Variants in FAM83B observed in about 807,000 individuals in gnomAD.
FAM83B encodes protein FAM83B.
FAM83B carries 26 observed loss-of-function variants against 38.8 expected under a neutral mutation model. The observed-to-expected ratio is 0.67, with a 90% confidence interval of 0.49 to 0.93. FAM83B has a LOEUF of 0.93. Among genes scored for constraint, FAM83B ranks in the 40% least tolerant of loss-of-function variants. The pLI, the probability that FAM83B is intolerant of heterozygous loss-of-function variation, is 0.00. For missense variants in FAM83B, 1,237 were observed against 1,197.3 expected (o/e 1.03, Z -0.49); for synonymous variants, 419 against 423.1 (o/e 0.99, Z 0.12).
At chr6:54,936,590 C>T (rs1285536977) in intron 4 of FAM83B, among the ~76,000 whole-genome samples, 1 of 151,762 alleles carries the variant, frequency 6.6e-6, no homozygotes, top group East Asian at 1.9e-4. Flanking sequence ...CCCACTAGTT[C>T]ATCAGTCTTT....
rs763351555 is a variant in FAM83B at position 54,940,431 on chromosome 6, C to T, written c.1460C>T (p.Thr487Ile). ...CAACGAATGCCAACCCTTGAACATA[C>T]CACAAAGTCATTCCTACGTAACTGG... ...LQQRMPTLEH[T>I]TKSFLRNWRI... Residue 487 changes from threonine to isoleucine, a missense_variant, in exon 5 of 5, where the codon ACC (threonine) becomes ATC (isoleucine). Coordinates refer to ENST00000306858, the MANE Select transcript of FAM83B (RefSeq NM_001010872.3). 2 of 1,614,038 alleles carry T rather than the reference C, an allele frequency of 1.2e-6. No individual in the cohort carries two copies. Among genetic ancestry groups the T allele is most frequent in the East Asian group, 2.2e-5 (1 of 44,868 alleles).
Position 54,941,941 on chromosome 6 carries a change from A to AC in FAM83B, c.2973dup (p.Asn992GlnfsTer2). On this transcript the variant is annotated frameshift_variant, in exon 5 of 5. Coordinates refer to ENST00000306858, the MANE Select transcript of FAM83B (RefSeq NM_001010872.3). LOFTEE classifies it high-confidence loss of function. ...ACACTGGTGTTTATCGCTCATATCA[A>AC]CCCAATGAGAACAAGTTTCGAGGAT... 6.2e-7 allele frequency: 1 copy of AC among 1,613,088 alleles called. No individual in the cohort carries two copies.
At chr6:54,934,220 T>C (rs570097996) in intron 4 of FAM83B, among the ~76,000 whole-genome samples, 3 of 152,190 alleles carry the variant, frequency 2.0e-5, no homozygotes, top group Non-Finnish European at 4.4e-5. Context: ...AGGTGCCATT[T>C]TCCAGCTTGT....
intron 2 of FAM83B, among the ~76,000 whole-genome samples, chr6:54,894,248 G>A (rs1383542092): frequency 2.0e-5 from 3 of 152,114 alleles, no homozygotes; most frequent in Non-Finnish European, 4.4e-5. Flanking sequence ...TCTTGCAAGT[G>A]CTCTGTATCT....
chr6:54,877,035 T>G (rs1772013362), intron 2 of FAM83B, among the ~76,000 whole-genome samples: 1 of 152,212 alleles, frequency 6.6e-6, no homozygotes, highest in Admixed American at 6.5e-5. Flanking sequence ...CATAAAATAC[T>G]GAGAATTCCT....
At chr6:54,876,235 T>C (rs968483774) in intron 2 of FAM83B, among the ~76,000 whole-genome samples, 1 of 147,258 alleles carries the variant, frequency 6.8e-6, no homozygotes, top group African/African-American at 2.5e-5. Flanking sequence ...CCTCTATTAA[T>C]AGTTGGAAAG....
At chr6:54,867,888 G>A (rs1771756833) in intron 1 of FAM83B, among the ~76,000 whole-genome samples, 1 of 152,026 alleles carries the variant, frequency 6.6e-6, no homozygotes. Context: ...AGGTTTGCAG[G>A]AAACTTGGAT....
chr6:54,925,515 G>C (rs2127588233), intron 2 of FAM83B, among the ~76,000 whole-genome samples: 1 of 152,136 alleles, frequency 6.6e-6, no homozygotes, highest in Non-Finnish European at 1.5e-5. Context: ...ACATCTTAGG[G>C]ACCTGTTCTT....
intron 2 of FAM83B, among the ~76,000 whole-genome samples, chr6:54,888,230 A>C (rs868408260): frequency 1.3e-5 from 2 of 151,668 alleles, no homozygotes; most frequent in South Asian, 4.1e-4. Flanking sequence ...CATCTTGGTC[A>C]TTGTCATGAA....
chr6:54,895,121 A>G (rs1772500213), intron 2 of FAM83B, among the ~76,000 whole-genome samples: 1 of 152,226 alleles, frequency 6.6e-6, no homozygotes, highest in South Asian at 2.1e-4. Flanking sequence ...ATGCATTACC[A>G]GTGGTGTTAA....
At chr6:54,908,797 T>C (rs1772833364) in intron 2 of FAM83B, among the ~76,000 whole-genome samples, 1 of 152,176 alleles carries the variant, frequency 6.6e-6, no homozygotes, top group Non-Finnish European at 1.5e-5. Flanking sequence ...TAATGGAGCA[T>C]TAGCCATATA....
chr6:54,858,725 CA>C (rs1464271691), intron 1 of FAM83B, among the ~76,000 whole-genome samples: 3 of 151,890 alleles, frequency 2.0e-5, no homozygotes, highest in Non-Finnish European at 4.4e-5. Flanking sequence ...ATGAAAATGC[CA>C]AGAATCTGTT....
At chr6:54,938,532 A>C (rs1452910269) in intron 4 of FAM83B, among the ~76,000 whole-genome samples, 1 of 152,012 alleles carries the variant, frequency 6.6e-6, no homozygotes, top group African/African-American at 2.4e-5. Flanking sequence ...AATGTCTATT[A>C]GTTTTTGATT....
chr6:54,876,788 C>T (rs1205569112), intron 2 of FAM83B, among the ~76,000 whole-genome samples: 2 of 151,842 alleles, frequency 1.3e-5, no homozygotes, highest in Non-Finnish European at 2.9e-5. Context: ...TGTGTATAGT[C>T]CTCTGAGCTT....
At chr6:54,914,383 CTG>C (rs1772986966) in intron 2 of FAM83B, among the ~76,000 whole-genome samples, 1 of 152,136 alleles carries the variant, frequency 6.6e-6, no homozygotes, top group Non-Finnish European at 1.5e-5. Context: ...CACTTACATT[CTG>C]TCTCACCCTA....
At chr6:54,918,847 C>T (rs1452879453) in intron 2 of FAM83B, among the ~76,000 whole-genome samples, 2 of 152,158 alleles carry the variant, frequency 1.3e-5, no homozygotes, top group African/African-American at 2.4e-5. Flanking sequence ...TCCTCTCTGT[C>T]TTCCAGCATC....
intron 2 of FAM83B, among the ~76,000 whole-genome samples, chr6:54,881,048 A>T (rs758614194): frequency 1.3e-5 from 2 of 152,164 alleles, no homozygotes; most frequent in African/African-American, 2.4e-5. Flanking sequence ...GATTTTTCTT[A>T]CAATAAAATA....
intron 1 of FAM83B, among the ~76,000 whole-genome samples, 195 bp downstream of exon 1, chr6:54,847,021 G>T (rs1219108918): frequency 6.6e-6 from 1 of 152,216 alleles, no homozygotes; most frequent in Non-Finnish European, 1.5e-5. Context: ...GTAAAGCTCA[G>T]TTGCTTCAGT....
chr6:54,944,860 A>G lies in FAM83B; in HGVS notation c.*2853A>G, dbSNP rs1459147640. On this transcript the variant is annotated 3_prime_UTR_variant, in exon 5 of 5. Transcript: ENST00000306858. ...TCCTGGGTTCTAGAATATTTAAAAC[A>G]AAAGGATAAAATGATAAACCAAAGA... 1 of 152,190 alleles carries G rather than the reference A, an allele frequency of 6.6e-6. No individual in the cohort carries two copies. Among genetic ancestry groups the G allele is most frequent in the African/African-American group, 2.4e-5 (1 of 41,442 alleles). 9.4% of individuals were successfully genotyped at this position (152,190 alleles called of 1,614,324 possible).
Sources: gnomAD v4.1 joint callset for allele counts (sites outside exome capture counted in the v4.1 genomes callset) on GRCh38, gnomAD v4.1.1 for gene constraint, MANE v1.5 for transcripts, NCBI Gene and HGNC (gene_info 2026-07-23, HGNC 2026-07-21) for gene names.